The following LOC128706666 variants were observed in gnomAD, a reference collection of about 807,000 sequenced individuals.
chr20:10,426,534 A>C, the LOC128706666 span, among the ~76,000 whole-genome samples: 2 of 152,066 alleles, frequency 1.3e-5, no homozygotes, highest in Non-Finnish European at 2.9e-5. Flanking sequence ...CAGGTAGCTG[A>C]GATTACAGGC....
the LOC128706666 span, among the ~76,000 whole-genome samples, chr20:10,416,185 A>G: frequency 6.6e-6 from 1 of 152,202 alleles, no homozygotes; most frequent in Non-Finnish European, 1.5e-5. Flanking sequence ...GGATAACTTA[A>G]TTAAAATAAC....
the LOC128706666 span, among the ~76,000 whole-genome samples, chr20:10,419,717 T>G: frequency 6.6e-6 from 1 of 152,060 alleles, no homozygotes; most frequent in Admixed American, 6.6e-5. Context: ...TAACCCAGAG[T>G]GCTGCTAAGT....
the LOC128706666 span, among the ~76,000 whole-genome samples, chr20:10,432,718 C>A: frequency 7.0e-6 from 1 of 142,854 alleles, no homozygotes; most frequent in African/African-American, 2.5e-5. Context: ...ATTGCTTGAA[C>A]CCGGGAGGCG....
chr20:10,432,595 C>G, the LOC128706666 span, among the ~76,000 whole-genome samples: 1 of 152,030 alleles, frequency 6.6e-6, no homozygotes, highest in Non-Finnish European at 1.5e-5. Context: ...GAGTTCAAGA[C>G]CAGCCTGGCC....
the LOC128706666 span, among the ~76,000 whole-genome samples, chr20:10,414,545 G>A: frequency 1.3e-5 from 2 of 152,176 alleles, no homozygotes; most frequent in Admixed American, 1.3e-4. Context: ...GATTACAAGC[G>A]TGAGCCACTG....
chr20:10,425,517 T>C, the LOC128706666 span, among the ~76,000 whole-genome samples: 1 of 152,246 alleles, frequency 6.6e-6, no homozygotes, highest in Non-Finnish European at 1.5e-5. Flanking sequence ...GAAAGGTTCA[T>C]GATACTGAGA....
the LOC128706666 span, among the ~76,000 whole-genome samples, chr20:10,422,570 G>A: frequency 1.3e-5 from 2 of 152,170 alleles, no homozygotes; most frequent in Admixed American, 6.5e-5. Context: ...CAGCTGGCCT[G>A]TGTTGATTGA....
the LOC128706666 span, among the ~76,000 whole-genome samples, chr20:10,424,567 TCATTG>T: frequency 6.6e-6 from 1 of 152,092 alleles, no homozygotes; most frequent in African/African-American, 2.4e-5. Flanking sequence ...CTAGCAAAGC[TCATTG>T]CTAGTTTTAC....
the LOC128706666 span, among the ~76,000 whole-genome samples, chr20:10,425,019 C>T: frequency 2.6e-5 from 4 of 151,150 alleles, no homozygotes; most frequent in Non-Finnish European, 4.4e-5. Flanking sequence ...TGCCATTGCA[C>T]TCCCACCTAG....
the LOC128706666 span, among the ~76,000 whole-genome samples, chr20:10,426,561 G>A: frequency 2.0e-5 from 3 of 152,132 alleles, no homozygotes; most frequent in African/African-American, 4.8e-5. Flanking sequence ...CACCATGCCC[G>A]ACTAATTTTT....
the LOC128706666 span, among the ~76,000 whole-genome samples, chr20:10,423,746 C>CT: frequency 6.6e-6 from 1 of 152,140 alleles, no homozygotes; most frequent in African/African-American, 2.4e-5. Context: ...ATTACTCTTT[C>CT]CATTAGGATA....
the LOC128706666 span, among the ~76,000 whole-genome samples, chr20:10,423,255 C>CA: frequency 2.0e-5 from 3 of 151,982 alleles, no homozygotes; most frequent in African/African-American, 7.2e-5. Context: ...CCCGTTTCTA[C>CA]AAAAAATACA....
the LOC128706666 span, among the ~76,000 whole-genome samples, chr20:10,420,942 G>C: frequency 7.3e-3 from 1,109 of 152,286 alleles, 24 homozygotes; most frequent in African/African-American, 0.025. Flanking sequence ...CCCAAAGGGA[G>C]CAGGCAGTCA....
chr20:10,430,650 T>C, the LOC128706666 span, among the ~76,000 whole-genome samples: 2 of 152,146 alleles, frequency 1.3e-5, no homozygotes, highest in Non-Finnish European at 2.9e-5. Flanking sequence ...CAGAGGTCTT[T>C]GGGGTTTGAC....
the LOC128706666 span, among the ~76,000 whole-genome samples, chr20:10,418,871 C>T: frequency 6.6e-6 from 1 of 152,066 alleles, no homozygotes; most frequent in African/African-American, 2.4e-5. Context: ...CTAATAAATT[C>T]TCTAACTCCC....
the LOC128706666 span, among the ~76,000 whole-genome samples, chr20:10,428,187 T>C: frequency 3.3e-5 from 5 of 152,218 alleles, no homozygotes; most frequent in Non-Finnish European, 2.9e-5. Context: ...ACAATGGTTG[T>C]AGTGGTTTAT....
the LOC128706666 span, chr20:10,431,888 CCTTT>C: frequency 1.3e-4 from 20 of 152,104 alleles, no homozygotes; most frequent in Admixed American, 5.2e-4. Context: ...ACTCAGAGAG[CCTTT>C]CTCTCAGCAC....
At chr20:10,424,091 C>A in the LOC128706666 span, among the ~76,000 whole-genome samples, 1 of 152,130 alleles carries the variant, frequency 6.6e-6, no homozygotes, top group African/African-American at 2.4e-5. Context: ...TTTCACGTTA[C>A]AAACTATTTT....
chr20:10,433,727 G>C, the LOC128706666 span, among the ~76,000 whole-genome samples: 1 of 152,114 alleles, frequency 6.6e-6, no homozygotes, highest in Non-Finnish European at 1.5e-5. Context: ...GGTACACCGT[G>C]CACCCTCCAG....
Sources: allele counts gnomAD v4.1 joint callset (sites outside exome capture counted in the v4.1 genomes callset), GRCh38; gene constraint gnomAD v4.1.1; transcripts MANE v1.5.